SLC6A11: variants seen among roughly 807,000 people sequenced by gnomAD.
SLC6A11 encodes solute carrier family 6 member 11.
A neutral mutation model predicts 74.8 loss-of-function variants in SLC6A11; 25 were observed. That is an observed-to-expected ratio of 0.33 (90% CI 0.24 to 0.47). The LOEUF is 0.47. Among genes scored for constraint, SLC6A11 ranks in the 20% least tolerant of loss-of-function variants. The pLI is 1.00. For synonymous variants in SLC6A11, 330 were observed against 330.2 expected (o/e 1.00, Z 0.01); for missense variants, 574 against 837.0 (o/e 0.69, Z 3.88).
intron 5 of SLC6A11, among the ~76,000 whole-genome samples, chr3:10,872,067 A>G (rs1381563029): frequency 6.6e-6 from 1 of 152,142 alleles, no homozygotes; most frequent in Non-Finnish European, 1.5e-5. Flanking sequence ...TGAAAATCTC[A>G]TCTCTAAAAT....
At chr3:10,930,938 C>T (rs780021542) in intron 10 of SLC6A11, among the ~76,000 whole-genome samples, 4 of 152,188 alleles carry the variant, frequency 2.6e-5, no homozygotes, top group Non-Finnish European at 4.4e-5. Flanking sequence ...TCTCGGAGGA[C>T]TATCTGTCAT....
chr3:10,919,831 A>G (rs1695512417), intron 8 of SLC6A11, among the ~76,000 whole-genome samples: 1 of 152,136 alleles, frequency 6.6e-6, no homozygotes, highest in Non-Finnish European at 1.5e-5. Flanking sequence ...CATTTTACAG[A>G]TGGGAAAACT....
intron 4 of SLC6A11, among the ~76,000 whole-genome samples, chr3:10,827,084 C>T (rs1165696999): frequency 6.6e-6 from 1 of 152,194 alleles, no homozygotes; most frequent in Non-Finnish European, 1.5e-5. Flanking sequence ...TCAGACACCT[C>T]TAATTCCTCT....
intron 3 of SLC6A11, among the ~76,000 whole-genome samples, chr3:10,821,944 C>T (rs1254827535): frequency 2.6e-5 from 4 of 152,168 alleles, no homozygotes; most frequent in Non-Finnish European, 5.9e-5. Context: ...GGTTTCCAGG[C>T]TCCTCTCAAG....
intron 13 of SLC6A11, among the ~76,000 whole-genome samples, chr3:10,936,985 C>G (rs1415669380): frequency 6.6e-6 from 1 of 152,134 alleles, no homozygotes; most frequent in Admixed American, 6.5e-5. Context: ...CCAGGCCCTC[C>G]TTACCGAGAG....
chr3:10,932,122 C>T (rs945886585), intron 10 of SLC6A11, among the ~76,000 whole-genome samples: 1 of 152,144 alleles, frequency 6.6e-6, no homozygotes, highest in African/African-American at 2.4e-5. Context: ...TCTTTAGAGA[C>T]CCCCGCTCTC....
intron 6 of SLC6A11, among the ~76,000 whole-genome samples, chr3:10,888,699 C>T (rs141427329): frequency 4.0e-4 from 61 of 152,322 alleles, no homozygotes; most frequent in African/African-American, 1.2e-3. Flanking sequence ...GATGTTGCCA[C>T]GGCAGGGGCT....
At chr3:10,929,130 G>C in intron 9 of SLC6A11, 72 bp from the exon 10 acceptor site, 2 of 1,549,204 alleles carry the variant, frequency 1.3e-6, no homozygotes, top group Non-Finnish European at 1.8e-6. Context: ...GGCCTGCTGC[G>C]CTTGCCCAGA....
At chr3:10,928,893 C>T (rs111918072) in intron 9 of SLC6A11, among the ~76,000 whole-genome samples, 2,361 of 152,232 alleles carry the variant, frequency 0.016, 63 homozygotes, top group African/African-American at 0.053. Flanking sequence ...AGGCAGCATG[C>T]GGGAGAAGGA....
intron 5 of SLC6A11, among the ~76,000 whole-genome samples, chr3:10,857,633 G>A (rs1462583067): frequency 3.3e-5 from 5 of 152,188 alleles, no homozygotes; most frequent in African/African-American, 7.2e-5. Flanking sequence ...GATTGGCTCA[G>A]TATATTGATA....
intron 6 of SLC6A11, among the ~76,000 whole-genome samples, chr3:10,908,695 T>C (rs1601371): frequency 0.38 from 58,102 of 151,966 alleles, 11,835 homozygotes; most frequent in Admixed American, 0.53. Context: ...AGGACAGAGA[T>C]GGAGTGCTAT....
chr3:10,819,264 G>T (rs1439421531), intron 1 of SLC6A11, among the ~76,000 whole-genome samples: 1 of 152,176 alleles, frequency 6.6e-6, no homozygotes, highest in East Asian at 1.9e-4. Context: ...TTTTACAGAT[G>T]GAGAAGTTGA....
chr3:10,931,639 G>T (rs1457568269), intron 10 of SLC6A11, among the ~76,000 whole-genome samples: 2 of 152,144 alleles, frequency 1.3e-5, no homozygotes, highest in Non-Finnish European at 2.9e-5. Context: ...TGCGTTTCTG[G>T]TGTCTTCCAG....
intron 6 of SLC6A11, among the ~76,000 whole-genome samples, chr3:10,899,875 T>A (rs1013891787): frequency 6.6e-6 from 1 of 152,216 alleles, no homozygotes; most frequent in Non-Finnish European, 1.5e-5. Context: ...AAATGCCCCA[T>A]GGAAAATGGG....
Position 10,816,673 on chromosome 3 carries a change from C to G in SLC6A11, c.256+152C>G, listed in dbSNP as rs1694065960. On this transcript the variant is annotated intron_variant, in intron 1 of 13. Coordinates refer to ENST00000254488, the MANE Select transcript of SLC6A11 (RefSeq NM_014229.3). This position sits in a 1 kb window ranked among gnomAD's most constrained non-coding sequence, Gnocchi z 4.2. ...CAGGCACCTCGCGTGTGAGCTCGCC[C>G]CGGAGCGCGGCCCACCTGTGCCAGT... 3.5e-6 allele frequency: 3 copies of G among 850,110 alleles called. No homozygotes were observed. The highest frequency in any genetic ancestry group is 3.4e-6 in the Non-Finnish European group (2 of 583,334). 52.7% of individuals were successfully genotyped at this position (850,110 alleles called of 1,614,324 possible).
At chr3:10,843,965 A>C (rs1323888811) in intron 4 of SLC6A11, among the ~76,000 whole-genome samples, 1 of 152,170 alleles carries the variant, frequency 6.6e-6, no homozygotes, top group Non-Finnish European at 1.5e-5. Flanking sequence ...AGCCCTTTCC[A>C]CGCTGTTCTT....
At chr3:10,876,746 C>CCCCCA (rs1694912758) in intron 6 of SLC6A11, among the ~76,000 whole-genome samples, 1 of 66,458 alleles carries the variant, frequency 1.5e-5, no homozygotes, top group Non-Finnish European at 3.8e-5. Context: ...CGCCCCCCCC[C>CCCCCA]CCCCGCCCCA....
intron 13 of SLC6A11, among the ~76,000 whole-genome samples, chr3:10,937,997 C>T (rs1397053648): frequency 2.6e-5 from 4 of 152,194 alleles, no homozygotes; most frequent in Non-Finnish European, 5.9e-5. Flanking sequence ...CTTTCCATAG[C>T]CTCTCCTTAC....
chr3:10,842,168 T>C (rs907715533), intron 4 of SLC6A11, among the ~76,000 whole-genome samples: 18 of 152,210 alleles, frequency 1.2e-4, no homozygotes, highest in African/African-American at 3.9e-4. Context: ...ATCCCTTCGG[T>C]AACTTCTCAA....
Sources: allele counts gnomAD v4.1 joint callset (sites outside exome capture counted in the v4.1 genomes callset), GRCh38; gene constraint gnomAD v4.1.1; non-coding constraint Gnocchi (gnomAD v3.1); transcripts MANE v1.5; gene names NCBI Gene and HGNC (gene_info 2026-07-23, HGNC 2026-07-21).